Variants in ITGB6 observed in about 807,000 individuals in gnomAD.
ITGB6 encodes the protein integrin beta-6.
Under a neutral mutation model 84.5 loss-of-function variants are expected in ITGB6, and 80 were observed. That is an observed-to-expected ratio of 0.95 (90% CI 0.79 to 1.14). ITGB6 has a LOEUF of 1.14. Among genes scored for constraint, ITGB6 ranks in the 50% most tolerant of loss-of-function variants. The probability of loss-of-function intolerance (pLI) is 0.00; values close to 1 mark genes in which losing one functional copy is unlikely to be tolerated. For missense variants in ITGB6, 1,006 were observed against 968.0 expected, an observed-to-expected ratio of 1.04 and a Z score of -0.52; for synonymous variants, 383 against 354.9, an observed-to-expected ratio of 1.08 and a Z score of -0.89.
intron 14 of ITGB6, among the ~76,000 whole-genome samples, chr2:160,105,470 A>G (rs1221704407): frequency 6.6e-6 from 1 of 152,220 alleles, no homozygotes; most frequent in Non-Finnish European, 1.5e-5. Context: ...TACACATCAC[A>G]TAATTGCCCA....
At chr2:160,124,809 T>A (rs1244437508) in intron 11 of ITGB6, among the ~76,000 whole-genome samples, 1 of 152,210 alleles carries the variant, frequency 6.6e-6, no homozygotes, top group Non-Finnish European at 1.5e-5. Context: ...GACCAATCAG[T>A]TCCTTTGCAG....
At position 160,167,497 on chromosome 2, in the gene ITGB6, G is replaced by T. The variant is rs59261449; in HGVS notation, c.1017+1715C>A. Among the ~76,000 whole-genome samples the T allele has an allele frequency of 7.2e-3, 1,094 of 152,280 alleles. 15 individuals carry two copies. Among genetic ancestry groups the T allele is most frequent in the African/African-American group, 0.025 (1,055 of 41,542 alleles). The stretch of plus-strand genomic sequence containing the variant: ...AAATGTCCCTTTGAATTTAGTGAAG[G>T]CTGGATGGTAAAGACCACAGATCAT... On this transcript the variant is annotated intron_variant, in intron 7 of 14. Coordinates refer to ENST00000283249, the MANE Select transcript of ITGB6 (RefSeq NM_000888.5).
chr2:160,174,160 A>C, intron 4 of ITGB6, 21 bp from the exon 5 acceptor site: 1 of 1,555,698 alleles, frequency 6.4e-7, no homozygotes, highest in South Asian at 1.2e-5. Context: ...AAGATGCAAA[A>C]ATACTGTTGA....
chr2:160,187,542 C>T (rs1685953161), intron 4 of ITGB6, among the ~76,000 whole-genome samples: 1 of 152,076 alleles, frequency 6.6e-6, no homozygotes, highest in African/African-American at 2.4e-5. Flanking sequence ...TGAGGTTTGA[C>T]TTTCTTCATG....
chr2:160,135,696 C>A (rs1377795031), intron 10 of ITGB6, among the ~76,000 whole-genome samples: 1 of 151,530 alleles, frequency 6.6e-6, no homozygotes, highest in Non-Finnish European at 1.5e-5. Flanking sequence ...GTACTGGTAC[C>A]AAAACAGAGA....
At chr2:160,121,629 C>CA (rs1182014791) in intron 12 of ITGB6, among the ~76,000 whole-genome samples, 1 of 151,948 alleles carries the variant, frequency 6.6e-6, no homozygotes, top group Non-Finnish European at 1.5e-5. Context: ...ACAAAAACTA[C>CA]AAAAAATTAC....
Position 160,153,947 on chromosome 2 carries a change from G to A in ITGB6, c.1018-11876C>T, listed in dbSNP as rs1460136584. Among the ~76,000 whole-genome samples the A allele has an allele frequency of 2.0e-5, 3 of 152,182 alleles. No individual in the cohort carries two copies. The South Asian group carries it at 6.2e-4, about 32-fold the overall frequency. ...ATCAGGAAACAACAGATGCTGGAGAGGATGTGGAGAAATATGAACACTTTT... is the reference window on the plus strand; with the variant it reads ...ATCAGGAAACAACAGATGCTGGAGAAGATGTGGAGAAATATGAACACTTTT... On this transcript the variant is annotated intron_variant, in intron 7 of 14. Coordinates refer to ENST00000283249, the MANE Select transcript of ITGB6 (RefSeq NM_000888.5).
At chr2:160,170,615 C>T (rs1685164521) in intron 6 of ITGB6, among the ~76,000 whole-genome samples, 1 of 152,120 alleles carries the variant, frequency 6.6e-6, no homozygotes, top group Non-Finnish European at 1.5e-5. Context: ...GTTTAATTCC[C>T]ACAACCATAC....
Position 160,172,598 on chromosome 2 carries a change from T to G in ITGB6, c.892A>C (p.Lys298Gln). Reference sequence around the variant, plus strand: ...ACAGTTGACATGGAGTATTCATTCTTGCTGTCCAAGTGACAGAGCCCGTCA... The same window carrying G: ...ACAGTTGACATGGAGTATTCATTCTGGCTGTCCAAGTGACAGAGCCCGTCA... ...PNDGLCHLDS[K>Q]NEYSMSTVLE... The change falls in exon 6 of 15, where the codon AAG becomes CAG. Residue 298 changes from lysine (K) to glutamine (Q), a missense_variant. By Grantham distance (53) the Lys-to-Gln change is moderately conservative (BLOSUM62 1). Coordinates refer to ENST00000283249, the MANE Select transcript of ITGB6 (RefSeq NM_000888.5). 6.2e-7 allele frequency: 1 copy of G among 1,609,578 alleles called. No individual in the cohort carries two copies. Among genetic ancestry groups the G allele is most frequent in the Non-Finnish European group, 8.5e-7 (1 of 1,176,202 alleles).
At chr2:160,118,935 A>G (rs1224584729) in intron 12 of ITGB6, among the ~76,000 whole-genome samples, 1 of 152,204 alleles carries the variant, frequency 6.6e-6, no homozygotes, top group Non-Finnish European at 1.5e-5. Context: ...AGAGAATAAA[A>G]TACCTAGGAA....
rs144155990 is a variant in ITGB6, at chr2:160,200,018, T to G, written c.46A>C (p.Asn16His). 9.3e-6 allele frequency: 15 copies of G among 1,613,634 alleles called. No individual in the cohort carries two copies. The highest frequency in any genetic ancestry group is 1.3e-5 in the Non-Finnish European group (15 of 1,179,712). Residue 16 changes from asparagine (N) to histidine (H), a missense_variant, in exon 1 of 15, where the codon AAT (asparagine) becomes CAT (histidine). Coordinates refer to ENST00000283249, the MANE Select transcript of ITGB6 (RefSeq NM_000888.5). ...CAGGTCTTACCTTGTACGTGATCAT[T>G]CCTTCCTAGAAATAGAAAGAACAGG... ...LCLFFLFLGR[N>H]DHVQGGCALG...
At chr2:160,161,862 T>A (rs1035844069) in intron 7 of ITGB6, among the ~76,000 whole-genome samples, 1 of 152,158 alleles carries the variant, frequency 6.6e-6, no homozygotes, top group African/African-American at 2.4e-5. Flanking sequence ...TAGATGCCAT[T>A]CCCCTGTGAC....
At chr2:160,120,828 A>G (rs975901219) in intron 12 of ITGB6, among the ~76,000 whole-genome samples, 15 of 147,106 alleles carry the variant, frequency 1.0e-4, no homozygotes, top group Non-Finnish European at 1.9e-4. Flanking sequence ...ACCAAACACC[A>G]CATGTTCTCA....
chr2:160,138,676 G>A lies in ITGB6; in HGVS notation c.1108-477C>T, dbSNP rs566380330. 6.2e-4 allele frequency among the ~76,000 whole-genome samples: 95 copies of A among 152,190 alleles called. 1 individual carries two copies. In the Middle Eastern group the frequency reaches 0.054, roughly 87 times the overall value. On this transcript the variant is annotated intron_variant, in intron 8 of 14. Coordinates refer to ENST00000283249, the MANE Select transcript of ITGB6 (RefSeq NM_000888.5). ...AGCTCCCATAAATCAGCTGTTTGTT[G>A]CTTTGCAAAGAATCCACAATTGAAG... is the stretch of plus-strand genomic sequence containing the variant.
intron 4 of ITGB6, among the ~76,000 whole-genome samples, chr2:160,194,651 A>G (rs779047555): frequency 1.2e-4 from 18 of 152,116 alleles, no homozygotes; most frequent in Admixed American, 3.3e-4. Context: ...AACCTTCCAC[A>G]CGAGATCTGG....
intron 4 of ITGB6, among the ~76,000 whole-genome samples, chr2:160,192,346 G>T (rs1353956977): frequency 6.6e-6 from 1 of 152,056 alleles, no homozygotes; most frequent in Non-Finnish European, 1.5e-5. Context: ...TGTCAACAAA[G>T]ACATTAAGAT....
At chr2:160,103,970 G>A (rs948986745) in intron 14 of ITGB6, among the ~76,000 whole-genome samples, 5 of 152,140 alleles carry the variant, frequency 3.3e-5, no homozygotes, top group Admixed American at 6.5e-5. Context: ...TTATAGAGGA[G>A]GTGACTTGAA....
intron 2 of ITGB6, among the ~76,000 whole-genome samples, chr2:160,198,695 C>T (rs1023580419): frequency 6.6e-6 from 1 of 152,200 alleles, no homozygotes; most frequent in Non-Finnish European, 1.5e-5. Context: ...TTTAAAGGAA[C>T]TGGATAATAT....
At chr2:160,166,505 G>A (rs191269716) in intron 7 of ITGB6, among the ~76,000 whole-genome samples, 144 of 152,240 alleles carry the variant, frequency 9.5e-4, no homozygotes, top group African/African-American at 3.3e-3. Context: ...GGAAAGAGAA[G>A]CTATTCAGAT....
Sources: allele counts gnomAD v4.1 joint callset (sites outside exome capture counted in the v4.1 genomes callset), GRCh38; gene constraint gnomAD v4.1.1; transcripts MANE v1.5; gene names NCBI Gene and HGNC (gene_info 2026-07-23, HGNC 2026-07-21).